ARHGEF11: variants seen among roughly 807,000 people sequenced by gnomAD.
ARHGEF11 encodes Rho guanine nucleotide exchange factor 11, also known as Rho guanine exchange factor (GEF) 11.
Under a neutral mutation model 193.7 loss-of-function variants are expected in ARHGEF11, and 55 were observed. The observed-to-expected ratio is 0.28, with a 90% CI of 0.23 to 0.36. ARHGEF11 has a LOEUF of 0.36. ARHGEF11 is among the 10% of genes least tolerant of loss of function. The probability of loss-of-function intolerance (pLI) is 1.00; values close to 1 mark genes in which losing one functional copy is unlikely to be tolerated. For missense variants in ARHGEF11, 1,723 were observed against 2,005.6 expected, an observed-to-expected ratio of 0.86 and a Z score of 2.69; for synonymous variants, 693 against 768.0, an observed-to-expected ratio of 0.90 and a Z score of 1.62.
chr1:156,991,710 ATTTTTTTTT>A (rs57140356), intron 1 of ARHGEF11, among the ~76,000 whole-genome samples: 2 of 83,956 alleles, frequency 2.4e-5, no homozygotes, highest in African/African-American at 8.7e-5. Flanking sequence ...TTTCAAGCTT[ATTTTTTTTT>A]TTTTTTTTTT....
At chr1:156,936,488 AAAAAAAAAAATATATATAT>A (rs1309585609) in intron 40 of ARHGEF11, among the ~76,000 whole-genome samples, 2 of 93,576 alleles carry the variant, frequency 2.1e-5, no homozygotes, top group African/African-American at 9.3e-5. Context: ...TAGAAAAAAA[AAAAAAAAAAATATATATAT>A]ATATATATAT....
chr1:156,971,946 C>T, intron 7 of ARHGEF11, 130 bp from the exon 8 acceptor site: 2 of 1,124,010 alleles, frequency 1.8e-6, no homozygotes, highest in African/African-American at 1.5e-5. Context: ...GAGGTCTCTG[C>T]CTCCAAGTAG....
intron 11 of ARHGEF11, among the ~76,000 whole-genome samples, chr1:156,967,163 C>A (rs1661784378): frequency 6.6e-6 from 1 of 152,152 alleles, no homozygotes; most frequent in Non-Finnish European, 1.5e-5. Flanking sequence ...TACAGTGTAT[C>A]ATGATGCTGG....
chr1:156,990,471 A>C (rs1367348524), intron 1 of ARHGEF11, among the ~76,000 whole-genome samples: 1 of 152,216 alleles, frequency 6.6e-6, no homozygotes, highest in Admixed American at 6.5e-5. Context: ...GTTTTCCAAC[A>C]ATCTCTCATC....
intron 1 of ARHGEF11, among the ~76,000 whole-genome samples, chr1:157,036,128 A>T (rs529979844): frequency 2.9e-5 from 4 of 139,538 alleles, no homozygotes; most frequent in Non-Finnish European, 4.6e-5. Flanking sequence ...TATATATGAA[A>T]ATATATATAT....
chr1:156,996,154 G>A (rs977915724), intron 1 of ARHGEF11, among the ~76,000 whole-genome samples: 36 of 152,132 alleles, frequency 2.4e-4, no homozygotes, highest in Admixed American at 1.4e-3. Flanking sequence ...GGACTTAGGC[G>A]GAGAGTACCA....
intron 22 of ARHGEF11, among the ~76,000 whole-genome samples, chr1:156,950,157 TTAA>T (rs775827065): frequency 1.9e-4 from 29 of 152,352 alleles, no homozygotes; most frequent in Non-Finnish European, 5.9e-5. Flanking sequence ...AACTTACCCA[TTAA>T]TGTTAGAACT....
chr1:156,976,678 T>C (rs1389909948), intron 7 of ARHGEF11, among the ~76,000 whole-genome samples: 1 of 152,202 alleles, frequency 6.6e-6, no homozygotes, highest in East Asian at 1.9e-4. Flanking sequence ...CATCCCTTTC[T>C]TCCCTCTTTT....
chr1:157,008,404 A>ACG (rs1668135361), intron 1 of ARHGEF11, among the ~76,000 whole-genome samples: 1 of 33,206 alleles, frequency 3.0e-5, no homozygotes. Context: ...GCTTGCACGC[A>ACG]CGCACACACA....
intron 1 of ARHGEF11, among the ~76,000 whole-genome samples, chr1:156,999,562 A>C (rs1281356249): frequency 6.6e-6 from 1 of 152,194 alleles, no homozygotes; most frequent in South Asian, 2.1e-4. Context: ...CCACAGCCAA[A>C]TTCATTTCAA....
Position 156,948,533 on chromosome 1 carries a change from G to C in ARHGEF11, c.1926-35C>G. ...AGGGACAAAAGACTTTGGGACTTGG[G>C]AAGTCAGTGGGCCATGCTTACATCC... On this transcript the variant is annotated intron_variant, in intron 22 of 40. Coordinates refer to ENST00000368194, the MANE Select transcript of ARHGEF11 (RefSeq NM_198236.3). This position sits in a 1 kb window ranked among gnomAD's most constrained non-coding sequence, Gnocchi z 4.2. 2 of 1,614,130 alleles carry C rather than the reference G, an allele frequency of 1.2e-6. No homozygotes were observed. Among genetic ancestry groups the C allele is most frequent in the Non-Finnish European group, 1.7e-6 (2 of 1,180,000 alleles).
intron 1 of ARHGEF11, among the ~76,000 whole-genome samples, chr1:156,986,933 C>T (rs929767308): frequency 6.6e-6 from 1 of 152,196 alleles, no homozygotes; most frequent in Non-Finnish European, 1.5e-5. Flanking sequence ...TATTCCAACC[C>T]CATATTCAGC....
Position 157,018,802 on chromosome 1 carries a change from C to T in ARHGEF11, c.32+25497G>A, listed in dbSNP as rs547317358. On this transcript the variant is annotated intron_variant, in intron 1 of 40. Coordinates refer to ENST00000368194, the MANE Select transcript of ARHGEF11 (RefSeq NM_198236.3). Reference sequence around the variant, plus strand: ...GTGTTTTTGATATAGATCAGTGGAACACAGTAGAGTCTGGACCACACATAT... The same window carrying T: ...GTGTTTTTGATATAGATCAGTGGAATACAGTAGAGTCTGGACCACACATAT... Among the ~76,000 whole-genome samples the T allele has an allele frequency of 2.6e-5, 4 of 152,266 alleles. No individual in the cohort carries two copies. In the South Asian group the frequency reaches 8.3e-4, roughly 32 times the overall value.
At chr1:156,957,991 T>C (rs1169799480) in intron 17 of ARHGEF11, among the ~76,000 whole-genome samples, 176 bp from the exon 18 acceptor site, 1 of 152,230 alleles carries the variant, frequency 6.6e-6, no homozygotes, top group South Asian at 2.1e-4. Flanking sequence ...CCATAAATAT[T>C]TGCCGAGTTG....
intron 8 of ARHGEF11, 22 bp from the exon 9 acceptor site, chr1:156,970,065 G>A: frequency 6.2e-7 from 1 of 1,611,628 alleles, no homozygotes; most frequent in Non-Finnish European, 8.5e-7. Flanking sequence ...AGGCCCACAG[G>A]GTGGGCAAAT....
At position 156,939,847 on chromosome 1, in the gene ARHGEF11, GC is replaced by G; in HGVS notation, c.3796del (p.Ala1266LeufsTer9). The G allele has an allele frequency of 6.2e-7, 1 of 1,612,246 alleles. No homozygotes were observed. Among genetic ancestry groups the G allele is most frequent in the Non-Finnish European group, 8.5e-7 (1 of 1,179,944 alleles). On this transcript the variant is annotated frameshift_variant, in exon 37 of 41. Transcript: ENST00000368194. LOFTEE classifies it high-confidence loss of function. ...LLPGHTMETQAAQEPEDDLTP... is the reference protein window; with the variant it reads ...LLPGHTMETQXAQEPEDDLTP... Reference sequence around the variant, plus strand: ...CAGGTCGTCCTCGGGCTCCTGGGCAGCCTGAGTTTCCATGGTGTGACCTGGC... The same window carrying G: ...CAGGTCGTCCTCGGGCTCCTGGGCAGCTGAGTTTCCATGGTGTGACCTGGC...
In ARHGEF11 at chr1:156,986,020, G is replaced by A. The variant is rs548769898; in HGVS notation, c.124+62C>T. On this transcript the variant is annotated intron_variant, in intron 2 of 40. Coordinates refer to ENST00000368194, the MANE Select transcript of ARHGEF11 (RefSeq NM_198236.3). ...CTCCCATTGGCCTCCCAAGTAGCTG[G>A]GAATACAGGCATGTGCCACCATGCC... is the stretch of plus-strand genomic sequence containing the variant. 3.9e-5 allele frequency: 55 copies of A among 1,411,550 alleles called. 2 individuals are homozygous for A. In the South Asian group the frequency reaches 5.9e-4, roughly 15 times the overall value. 87.4% of individuals were successfully genotyped at this position (1,411,550 alleles called of 1,614,324 possible).
At chr1:157,012,356 A>G (rs955818484) in intron 1 of ARHGEF11, among the ~76,000 whole-genome samples, 3 of 152,190 alleles carry the variant, frequency 2.0e-5, no homozygotes, top group African/African-American at 4.8e-5. Flanking sequence ...GAAAGGGAAG[A>G]GCATAGGGTT....
At chr1:156,950,972 C>T (rs1309822542) in intron 22 of ARHGEF11, among the ~76,000 whole-genome samples, 1 of 152,218 alleles carries the variant, frequency 6.6e-6, no homozygotes, top group Non-Finnish European at 1.5e-5. Context: ...TAGAACCTGA[C>T]CAAAGAAGAA....
Sources: gnomAD v4.1 joint callset for allele counts (sites outside exome capture counted in the v4.1 genomes callset) on GRCh38, gnomAD v4.1.1 for gene constraint, Gnocchi (gnomAD v3.1) non-coding constraint, MANE v1.5 for transcripts, NCBI Gene and HGNC (gene_info 2026-07-23, HGNC 2026-07-21) for gene names.